The following RHOD variants were observed in gnomAD, a reference collection of about 807,000 sequenced individuals.
The protein encoded by RHOD is ras homolog family member D.
RHOD carries 11 observed loss-of-function variants against 16.7 expected under a neutral mutation model. The observed-to-expected ratio is 0.66, with a 90% CI of 0.41 to 1.09. The LOEUF is 1.09. RHOD is among the 50% of genes least tolerant of loss of function. The pLI is 0.00. For missense variants in RHOD, 271 were observed against 291.7 expected, an observed-to-expected ratio of 0.93 and a Z score of 0.52; for synonymous variants, 124 against 126.3, an observed-to-expected ratio of 0.98 and a Z score of 0.12.
intron 1 of RHOD, among the ~76,000 whole-genome samples, chr11:67,058,927 CG>C (rs1854852951): frequency 6.6e-6 from 1 of 152,100 alleles, no homozygotes; most frequent in African/African-American, 2.4e-5. Flanking sequence ...TGAGGGCACC[CG>C]GGGAAGAGCA....
Position 67,056,911 on chromosome 11 carries a change from G to T in RHOD, c.9G>T (p.Ala3=). 6.9e-7 allele frequency: 1 copy of T among 1,457,300 alleles called. No homozygotes were observed. The highest frequency in any genetic ancestry group is 1.3e-5 in the South Asian group (1 of 74,940). The allele number at this position is 1,457,300 out of a possible 1,614,324, so 90.3% of individuals were successfully genotyped here. A position where few individuals can be genotyped will look rare whatever the true frequency, so the allele number is the denominator to read the frequency against. ...CAGCGCCCGGCCCCGGGATGACGGC[G>T]GCCCAGGCCGCGGGTGAGGAGGCGC... MT[A]AQAAGEEAPP... The change falls in exon 1 of 5, where the codon GCG becomes GCT. Residue 3 remains alanine (A), a synonymous_variant. Coordinates refer to ENST00000308831, the MANE Select transcript of RHOD (RefSeq NM_014578.4).
intron 1 of RHOD, among the ~76,000 whole-genome samples, chr11:67,064,404 CA>C (rs551453728): frequency 4.6e-3 from 281 of 61,034 alleles, no homozygotes; most frequent in Middle Eastern, 0.012. Flanking sequence ...GACTCCCTCT[CA>C]AAAAAAAAAA....
intron 1 of RHOD, among the ~76,000 whole-genome samples, chr11:67,063,554 T>C (rs942357424): frequency 2.7e-5 from 4 of 149,628 alleles, no homozygotes; most frequent in Non-Finnish European, 5.9e-5. Context: ...TCCCAGCACT[T>C]TGGGAGGCCG....
rs546968667 is a variant in RHOD at position 67,058,334 on chromosome 11, C to G, written c.132+1300C>G. 4.5e-3 allele frequency among the ~76,000 whole-genome samples: 678 copies of G among 152,268 alleles called. 2 individuals are homozygous for G. The highest frequency in any genetic ancestry group is 7.4e-3 in the Non-Finnish European group (506 of 68,016). On this transcript the variant is annotated intron_variant, in intron 1 of 4. Transcript: ENST00000308831. ...GGGACTACAGGCGCGTGCCACCGTGCCCAGCTAATTTTTGTATATTTTTAG... is the reference window on the plus strand; with the variant it reads ...GGGACTACAGGCGCGTGCCACCGTGGCCAGCTAATTTTTGTATATTTTTAG...
intron 3 of RHOD, 148 bp downstream of exon 3, chr11:67,066,995 G>A: frequency 3.1e-6 from 2 of 654,288 alleles, no homozygotes; most frequent in East Asian, 5.4e-5. Context: ...GGGAAACTGA[G>A]GCTCAGAGTG....
chr11:67,063,947 A>C (rs1854924429), intron 1 of RHOD, among the ~76,000 whole-genome samples: 1 of 150,738 alleles, frequency 6.6e-6, no homozygotes, highest in South Asian at 2.1e-4. Context: ...CTCTACTAAA[A>C]ATATAAAAAT....
intron 1 of RHOD, 148 bp downstream of exon 1, chr11:67,057,182 C>A: frequency 2.0e-6 from 2 of 1,012,630 alleles, no homozygotes; most frequent in Non-Finnish European, 2.6e-6. Context: ...GTTCTTCCGC[C>A]CCAGCCATTG....
At position 67,071,685 on chromosome 11, in the gene RHOD, G is replaced by C. The variant is rs1855033519; in HGVS notation, c.*83G>C. On this transcript the variant is annotated 3_prime_UTR_variant, in exon 5 of 5. Transcript: ENST00000308831. ...CTGGCTGGGCTGGACCCGGTCCCTA[G>C]GCTGTGACCGCCGAACTCCACTGCA... is the stretch of plus-strand genomic sequence containing the variant. The C allele has an allele frequency of 7.3e-7, 1 of 1,363,378 alleles. No homozygotes were observed. Among genetic ancestry groups the C allele is most frequent in the Admixed American group, 2.6e-5 (1 of 37,964 alleles). 84.5% of individuals were successfully genotyped at this position (1,363,378 alleles called of 1,614,324 possible).
chr11:67,070,388 ACACATGCCCCC>A (rs1483546915), intron 3 of RHOD, 26 bp from the exon 4 acceptor site: 5 of 1,609,602 alleles, frequency 3.1e-6, no homozygotes, highest in East Asian at 2.2e-5. Context: ...TCCAGGGCTC[ACACATGCCCCC>A]CACATGCCCC....
At chr11:67,065,235 C>T (rs1854943661) in intron 1 of RHOD, among the ~76,000 whole-genome samples, 1 of 152,144 alleles carries the variant, frequency 6.6e-6, no homozygotes. Context: ...GCCACCACGC[C>T]TGGCTAATTT....
intron 1 of RHOD, among the ~76,000 whole-genome samples, chr11:67,058,693 C>T (rs1369201641): frequency 1.3e-5 from 2 of 152,126 alleles, no homozygotes; most frequent in Non-Finnish European, 2.9e-5. Flanking sequence ...GCAGGACGGT[C>T]GGGCCTACCC....
chr11:67,070,252 C>G (rs988951294), intron 3 of RHOD, 173 bp from the exon 4 acceptor site: 11 of 736,948 alleles, frequency 1.5e-5, no homozygotes, highest in Middle Eastern at 4.7e-4. Flanking sequence ...TGGGTCCATA[C>G]GTGTAAATTC....
intron 2 of RHOD, 34 bp downstream of exon 2, chr11:67,066,017 G>A (rs765364517): frequency 1.5e-6 from 2 of 1,366,592 alleles, no homozygotes; most frequent in Admixed American, 3.5e-5. Context: ...GGTGGGAGGG[G>A]CTTCTGTGGG....
chr11:67,066,390 T>G (rs1167122536), intron 2 of RHOD, among the ~76,000 whole-genome samples: 2 of 152,230 alleles, frequency 1.3e-5, no homozygotes, highest in African/African-American at 4.8e-5. Flanking sequence ...TTGGACGGGC[T>G]AAGATGTCTT....
intron 3 of RHOD, among the ~76,000 whole-genome samples, chr11:67,068,653 C>G (rs1449935512): frequency 2.0e-5 from 3 of 152,062 alleles, no homozygotes; most frequent in African/African-American, 7.2e-5. Flanking sequence ...ACTAAAAATA[C>G]AAAAATTAGC....
intron 1 of RHOD, 76 bp downstream of exon 1, chr11:67,057,110 A>C: frequency 7.5e-7 from 1 of 1,330,092 alleles, no homozygotes; most frequent in Non-Finnish European, 9.6e-7. Context: ...GGAGCGGCCC[A>C]GGCTGTGCGC....
At chr11:67,066,962 C>G (rs1017076318) in intron 3 of RHOD, 115 bp downstream of exon 3, 2 of 762,168 alleles carry the variant, frequency 2.6e-6, no homozygotes, top group African/African-American at 3.4e-5. Flanking sequence ...GATATTGATT[C>G]CAGAGCTTTT....
At chr11:67,068,793 C>G (rs993009652) in intron 3 of RHOD, among the ~76,000 whole-genome samples, 4 of 151,494 alleles carry the variant, frequency 2.6e-5, no homozygotes, top group Non-Finnish European at 4.4e-5. Flanking sequence ...GGCGACAGAG[C>G]GGGACTGTCT....
chr11:67,060,055 G>A (rs1213634005), intron 1 of RHOD, among the ~76,000 whole-genome samples: 1 of 152,204 alleles, frequency 6.6e-6, no homozygotes, highest in Admixed American at 6.5e-5. Flanking sequence ...CCCAGTCCTG[G>A]CTGGCATTTG....
Sources: allele counts gnomAD v4.1 joint callset (sites outside exome capture counted in the v4.1 genomes callset), GRCh38; gene constraint gnomAD v4.1.1; transcripts MANE v1.5; gene names NCBI Gene and HGNC (gene_info 2026-07-23, HGNC 2026-07-21).